Variants in USP22 observed in about 807,000 individuals in gnomAD.
USP22 encodes ubiquitin specific peptidase 22.
A neutral mutation model predicts 68.1 loss-of-function variants in USP22; 22 were observed. The observed-to-expected ratio is 0.32, with a 90% CI of 0.23 to 0.46. USP22 has a LOEUF of 0.46. Ranked by LOEUF, USP22 falls within the 20% of genes least tolerant of loss-of-function variation. USP22 has a pLI of 1.00. For missense variants in USP22, 433 were observed against 695.8 expected, an observed-to-expected ratio of 0.62 and a Z score of 4.25; for synonymous variants, 279 against 274.2, an observed-to-expected ratio of 1.02 and a Z score of -0.17.
intron 6 of USP22, 123 bp from the exon 7 acceptor site, chr17:21,013,058 A>G (rs1218300398): frequency 9.5e-6 from 7 of 735,366 alleles, no homozygotes; most frequent in Non-Finnish European, 1.6e-5. Flanking sequence ...AGGCCATGTG[A>G]GGACACTCCT....
Position 21,042,927 on chromosome 17 carries a change from G to C in USP22, c.-92C>G, listed in dbSNP as rs1430920153. On this transcript the variant is annotated 5_prime_UTR_variant, in exon 1 of 13. Coordinates refer to ENST00000261497, the MANE Select transcript of USP22 (RefSeq NM_015276.2). ...GTGGGGGCTGCTCGGCGGCTGGCCA[G>C]GCTGGCCAAGGCCCGGGCGCCGAGA... 2.4e-6 allele frequency: 2 copies of C among 843,958 alleles called. No homozygotes were observed. Among genetic ancestry groups the C allele is most frequent in the South Asian group, 5.6e-5 (1 of 17,908 alleles). 52.3% of individuals were successfully genotyped at this position (843,958 alleles called of 1,614,324 possible).
chr17:21,003,901 A>AAAAT, intron 12 of USP22, among the ~76,000 whole-genome samples: 1 of 49,960 alleles, frequency 2.0e-5, no homozygotes. Flanking sequence ...ACTCCGTCTC[A>AAAAT]AAAAAAAAAA....
intron 10 of USP22, 117 bp downstream of exon 10, chr17:21,006,779 A>G (rs1364814130): frequency 1.4e-5 from 10 of 727,310 alleles, no homozygotes; most frequent in African/African-American, 3.6e-5. Context: ...CTGGGATTAC[A>G]GGCGGGAGCC....
At chr17:21,018,301 C>T (rs2143571223) in intron 4 of USP22, 190 bp from the exon 5 acceptor site, 2 of 540,782 alleles carry the variant, frequency 3.7e-6, no homozygotes, top group East Asian at 6.5e-5. Flanking sequence ...GAAGAATGTC[C>T]ACCACCATGG....
rs1972251623 is a variant in USP22, at chr17:21,028,613, T to C, written c.233A>G (p.Tyr78Cys). ...VHLNRLHSCL[Y>C]CVFFGCFTKK... is the part of the protein sequence containing the mutation. ...TGTGAAACAGCCGAAGAAGACACAG[T>C]AGAGGCAGGAATGCAGCCTGTTGAG... is the stretch of plus-strand genomic sequence containing the variant. The change falls in exon 2 of 13, where the codon TAC becomes TGC. Residue 78 changes from tyrosine to cysteine, a missense_variant. Physicochemically the swap from Tyr to Cys is radical, Grantham distance 194 (BLOSUM62 -2). This residue lies in a region of USP22 where 144 missense variants were observed against 237.2 expected (regional missense o/e 0.61). Coordinates refer to ENST00000261497, the MANE Select transcript of USP22 (RefSeq NM_015276.2). The C allele has an allele frequency of 2.5e-6, 4 of 1,613,734 alleles. No individual in the cohort carries two copies. Among genetic ancestry groups the C allele is most frequent in the African/African-American group, 2.7e-5 (2 of 74,820 alleles).
At chr17:21,036,748 A>G (rs1328554945) in intron 1 of USP22, among the ~76,000 whole-genome samples, 1 of 152,218 alleles carries the variant, frequency 6.6e-6, no homozygotes, top group Non-Finnish European at 1.5e-5. Flanking sequence ...GTAGAGCTTA[A>G]TAGGGATGCT....
chr17:21,029,834 T>C (rs1427169709), intron 1 of USP22, among the ~76,000 whole-genome samples: 6 of 152,214 alleles, frequency 3.9e-5, no homozygotes, highest in Non-Finnish European at 8.8e-5. Flanking sequence ...ATACTCAGGA[T>C]AGATAAATCC....
intron 3 of USP22, 77 bp downstream of exon 3, chr17:21,021,036 T>C (rs1034742441): frequency 1.6e-6 from 2 of 1,225,018 alleles, no homozygotes; most frequent in African/African-American, 1.5e-5. Context: ...GGTACTTCTC[T>C]TTCTCCTACT....
At chr17:21,024,734 G>C (rs971778979) in intron 2 of USP22, among the ~76,000 whole-genome samples, 5 of 152,194 alleles carry the variant, frequency 3.3e-5, no homozygotes, top group African/African-American at 1.2e-4. Context: ...TTGGGAGGCA[G>C]AGATGGGAGG....
intron 1 of USP22, chr17:21,042,249 C>G (rs1013367162): frequency 1.1e-4 from 18 of 157,840 alleles, no homozygotes; most frequent in African/African-American, 4.3e-4. Flanking sequence ...GACCGCCCAC[C>G]GAAGTCCCAG....
intron 3 of USP22, among the ~76,000 whole-genome samples, chr17:21,019,620 AAACT>A (rs1972129588): frequency 6.6e-6 from 1 of 151,758 alleles, no homozygotes; most frequent in Non-Finnish European, 1.5e-5. Flanking sequence ...TCGAGTTACC[AAACT>A]AAGATAGATC....
intron 2 of USP22, among the ~76,000 whole-genome samples, chr17:21,022,208 C>A (rs1972165289): frequency 6.6e-6 from 1 of 152,156 alleles, no homozygotes; most frequent in Admixed American, 6.5e-5. Flanking sequence ...AAAACAGTCA[C>A]AAGAAACTGT....
chr17:21,025,868 G>A (rs1262952635), intron 2 of USP22, among the ~76,000 whole-genome samples: 1 of 152,294 alleles, frequency 6.6e-6, no homozygotes, highest in African/African-American at 2.4e-5. Context: ...ATCTGTTAAC[G>A]ACGCATTCCT....
intron 10 of USP22, chr17:21,006,528 C>A (rs7216921): frequency 0.48 from 67,217 of 141,420 alleles, 16,789 homozygotes; most frequent in South Asian, 0.58. Context: ...TTTTTTTAGA[C>A]GTAGTCTCGT....
At chr17:21,036,534 C>T (rs1597702146) in intron 1 of USP22, among the ~76,000 whole-genome samples, 1 of 121,660 alleles carries the variant, frequency 8.2e-6, no homozygotes, top group East Asian at 2.7e-4. Context: ...GGGGGGGGGT[C>T]AAGTCATTTC....
Position 21,000,141 on chromosome 17 carries a change from G to C in USP22, c.*2890C>G, listed in dbSNP as rs1913510208. On this transcript the variant is annotated 3_prime_UTR_variant, in exon 13 of 13. Transcript: ENST00000261497. Reference sequence around the variant, plus strand: ...TTTAACACTGCTGTGAATGTGCTGGGGTCACCAAGGGGGCCCCTTAGTGGT... The same window carrying C: ...TTTAACACTGCTGTGAATGTGCTGGCGTCACCAAGGGGGCCCCTTAGTGGT... The C allele has an allele frequency of 6.6e-6, 1 of 152,182 alleles. No homozygotes were observed. Among genetic ancestry groups the C allele is most frequent in the Non-Finnish European group, 1.5e-5 (1 of 68,046 alleles). The allele number at this position is 152,182 out of a possible 1,614,324, so 9.4% of individuals were successfully genotyped here.
intron 7 of USP22, among the ~76,000 whole-genome samples, chr17:21,012,454 C>T (rs1913999060): frequency 6.6e-6 from 1 of 152,092 alleles, no homozygotes; most frequent in Non-Finnish European, 1.5e-5. Flanking sequence ...AAAACTAACA[C>T]ACTTCGAAGC....
At chr17:21,005,907 GC>G (rs2143515985) in intron 10 of USP22, among the ~76,000 whole-genome samples, 1 of 152,270 alleles carries the variant, frequency 6.6e-6, no homozygotes, top group South Asian at 2.1e-4. Context: ...AGGTCCTAAA[GC>G]CAATGACCAC....
At position 21,027,292 on chromosome 17, in the gene USP22, C is replaced by CAAAA. The variant is rs71357459; in HGVS notation, c.304+1246_304+1249dup. 9.1e-3 allele frequency among the ~76,000 whole-genome samples: 661 copies of CAAAA among 72,264 alleles called. 31 individuals are homozygous for CAAAA. Among genetic ancestry groups the CAAAA allele is most frequent in the African/African-American group, 0.029 (589 of 20,014 alleles). The allele number at this position is 72,264 out of a possible 152,430, so 47.4% of individuals were successfully genotyped here. A position where few individuals can be genotyped will look rare whatever the true frequency, so the allele number is the denominator to read the frequency against. On this transcript the variant is annotated intron_variant, in intron 2 of 12. Transcript: ENST00000261497. Reference sequence around the variant, plus strand: ...TCCAGACAAAGCGAGACCCTGTCTCCAAAAAAAAAAAAAAAAAATCAGACA... The same window carrying CAAAA: ...TCCAGACAAAGCGAGACCCTGTCTCCAAAAAAAAAAAAAAAAAAAAAATCAGACA...
Sources: gnomAD v4.1 joint callset for allele counts (sites outside exome capture counted in the v4.1 genomes callset) on GRCh38, gnomAD v4.1.1 for gene constraint, gnomAD v4.1.1 regional missense constraint, MANE v1.5 for transcripts, NCBI Gene and HGNC (gene_info 2026-07-23, HGNC 2026-07-21) for gene names.